The following EXT1 variants were observed in gnomAD, a reference collection of about 807,000 sequenced individuals.
The protein encoded by EXT1 is exostosin glycosyltransferase 1.
A neutral mutation model predicts 82.5 loss-of-function variants in EXT1; 20 were observed. The ratio of observed to expected loss-of-function variants is 0.24; its 90% CI spans 0.17 to 0.35. The LOEUF (loss-of-function observed/expected upper bound fraction) is 0.35, where lower values mean the gene tolerates loss of function less well. Ranked by LOEUF, EXT1 falls within the 10% of genes least tolerant of loss-of-function variation. EXT1 has a pLI of 1.00. For synonymous variants in EXT1, 348 were observed against 350.8 expected (o/e 0.99, Z 0.09); for missense variants, 757 against 936.5 (o/e 0.81, Z 2.50).
At chr8:117,816,527 A>G (rs1020950111) in intron 7 of EXT1, among the ~76,000 whole-genome samples, 1 of 152,180 alleles carries the variant, frequency 6.6e-6, no homozygotes, top group African/African-American at 2.4e-5. Context: ...GGAAGAACCC[A>G]GCCCACTGGA....
chr8:117,887,104 A>C (rs903266310), intron 1 of EXT1, among the ~76,000 whole-genome samples: 2 of 152,202 alleles, frequency 1.3e-5, no homozygotes, highest in African/African-American at 4.8e-5. Flanking sequence ...CTTTCTTGTC[A>C]TAAAATGGGA....
At chr8:117,837,861 A>AG (rs1812212911) in intron 1 of EXT1, among the ~76,000 whole-genome samples, 4 of 152,092 alleles carry the variant, frequency 2.6e-5, no homozygotes, top group Non-Finnish European at 4.4e-5. Flanking sequence ...AGAAAAGAAA[A>AG]AAAAAAAACC....
chr8:117,887,716 A>C (rs1382167664), intron 1 of EXT1, among the ~76,000 whole-genome samples: 1 of 151,934 alleles, frequency 6.6e-6, no homozygotes, highest in Non-Finnish European at 1.5e-5. Context: ...TCTCTTTTTG[A>C]TCAAATATCC....
chr8:117,981,855 G>T (rs1815211077), intron 1 of EXT1, among the ~76,000 whole-genome samples: 1 of 151,976 alleles, frequency 6.6e-6, no homozygotes, highest in Non-Finnish European at 1.5e-5. Context: ...TTCAGCCTGG[G>T]TGTCAGAGCA....
intron 1 of EXT1, among the ~76,000 whole-genome samples, chr8:118,053,100 C>T (rs894675225): frequency 6.6e-6 from 1 of 152,328 alleles, no homozygotes; most frequent in East Asian, 1.9e-4. Context: ...TGACACATCC[C>T]TAGTAGCATC....
chr8:118,078,238 AC>A (rs1817245455), intron 1 of EXT1, among the ~76,000 whole-genome samples: 1 of 152,120 alleles, frequency 6.6e-6, no homozygotes, highest in African/African-American at 2.4e-5. Context: ...TCGCTCTGTC[AC>A]CCAGGTTGGC....
At chr8:117,896,973 C>A (rs28357271) in intron 1 of EXT1, among the ~76,000 whole-genome samples, 38,240 of 152,010 alleles carry the variant, frequency 0.25, 5,654 homozygotes, top group East Asian at 0.37. Flanking sequence ...TTTCCCTTCA[C>A]CCCCACTTGC....
intron 1 of EXT1, among the ~76,000 whole-genome samples, chr8:117,889,578 G>A (rs1454579068): frequency 2.0e-5 from 3 of 152,126 alleles, no homozygotes; most frequent in African/African-American, 7.2e-5. Flanking sequence ...AAAGATATGT[G>A]TTTTACCTCC....
chr8:118,020,667 C>T (rs1023308836), intron 1 of EXT1, among the ~76,000 whole-genome samples: 2 of 152,064 alleles, frequency 1.3e-5, no homozygotes, highest in African/African-American at 4.8e-5. Context: ...TGTGCCTGAT[C>T]GAATAGTATT....
chr8:117,976,629 A>G (rs577674081), intron 1 of EXT1, among the ~76,000 whole-genome samples: 4 of 152,374 alleles, frequency 2.6e-5, no homozygotes, highest in African/African-American at 9.6e-5. Flanking sequence ...AATATTCTAT[A>G]TTTTGAATGA....
At chr8:117,944,893 T>C (rs1171425738) in intron 1 of EXT1, among the ~76,000 whole-genome samples, 1 of 152,212 alleles carries the variant, frequency 6.6e-6, no homozygotes, top group Non-Finnish European at 1.5e-5. Context: ...CCAGGCGCGG[T>C]GGCTCACGCC....
chr8:118,014,546 C>T (rs1815966446), intron 1 of EXT1, among the ~76,000 whole-genome samples: 1 of 152,176 alleles, frequency 6.6e-6, no homozygotes, highest in Non-Finnish European at 1.5e-5. Flanking sequence ...TACAGAACAA[C>T]CAAATTAGAA....
chr8:118,017,017 C>T (rs1045845002), intron 1 of EXT1, among the ~76,000 whole-genome samples: 1 of 152,276 alleles, frequency 6.6e-6, no homozygotes, highest in African/African-American at 2.4e-5. Flanking sequence ...TATAAAATTT[C>T]CAATGAACTT....
At chr8:118,026,186 C>A (rs1563633033) in intron 1 of EXT1, among the ~76,000 whole-genome samples, 1 of 152,160 alleles carries the variant, frequency 6.6e-6, no homozygotes. Flanking sequence ...CACACGGCAC[C>A]TACTGAGCCA....
chr8:117,989,945 C>T (rs1052589823), intron 1 of EXT1, among the ~76,000 whole-genome samples: 1 of 152,122 alleles, frequency 6.6e-6, no homozygotes, highest in Non-Finnish European at 1.5e-5. Context: ...CCTATAATTC[C>T]AGCACTTTGA....
intron 7 of EXT1, among the ~76,000 whole-genome samples, chr8:117,817,847 C>T (rs17439659): frequency 0.18 from 27,895 of 152,032 alleles, 3,229 homozygotes; most frequent in Middle Eastern, 0.31. Context: ...AGAAAAAGGC[C>T]GGGAGATGAT....
chr8:118,070,908 A>C (rs1817079366), intron 1 of EXT1, among the ~76,000 whole-genome samples: 1 of 152,202 alleles, frequency 6.6e-6, no homozygotes, highest in Non-Finnish European at 1.5e-5. Flanking sequence ...ATATAAAACC[A>C]TATGAAATAT....
At chr8:118,063,542 TAC>T (rs1317439113) in intron 1 of EXT1, among the ~76,000 whole-genome samples, 1 of 152,252 alleles carries the variant, frequency 6.6e-6, no homozygotes, top group Admixed American at 6.5e-5. Flanking sequence ...TTCACTAACA[TAC>T]CTGCCACATG....
At chr8:118,025,078 CTG>C (rs761541770) in intron 1 of EXT1, among the ~76,000 whole-genome samples, 15 of 152,118 alleles carry the variant, frequency 9.9e-5, no homozygotes, top group Non-Finnish European at 1.9e-4. Flanking sequence ...AGGAAAGAAA[CTG>C]AGAAAGGACA....
Sources: allele counts gnomAD v4.1 joint callset (sites outside exome capture counted in the v4.1 genomes callset), GRCh38; gene constraint gnomAD v4.1.1; transcripts MANE v1.5; gene names NCBI Gene and HGNC (gene_info 2026-07-23, HGNC 2026-07-21).